Variants in LRFN2 observed in about 807,000 individuals in gnomAD.
LRFN2 encodes leucine-rich repeat and fibronectin type-III domain-containing protein 2.
LRFN2 carries 18 observed loss-of-function variants against 37.3 expected under a neutral mutation model. The observed-to-expected ratio is 0.48, with a 90% confidence interval of 0.33 to 0.72. The LOEUF is 0.72. Among genes scored for constraint, LRFN2 ranks in the 30% least tolerant of loss-of-function variants. The pLI, the probability that LRFN2 is intolerant of heterozygous loss-of-function variation, is 0.02. For synonymous variants in LRFN2, 556 were observed against 466.6 expected, an observed-to-expected ratio of 1.19 and a Z score of -2.47; for missense variants, 1,006 against 1,060.7, an observed-to-expected ratio of 0.95 and a Z score of 0.72.
chr6:40,392,852 G>A lies in LRFN2; in HGVS notation c.1461C>T (p.Tyr487=), dbSNP rs369008685. 96 of 1,613,970 alleles carry A rather than the reference G, an allele frequency of 5.9e-5. No homozygotes were observed. Among genetic ancestry groups the A allele is most frequent in the South Asian group, 2.6e-4 (24 of 91,054 alleles). ...VVNNLVSGTG[Y]DLCVLAMWDD... ...CCCACATGGCCAGCACACACAAGTCGTAGCCAGTCCCTGACACCAGGTTGT... is the reference window on the plus strand; with the variant it reads ...CCCACATGGCCAGCACACACAAGTCATAGCCAGTCCCTGACACCAGGTTGT... The change falls in exon 3 of 3, where the codon TAC becomes TAT. Residue 487 remains tyrosine (Y), a synonymous_variant. Coordinates refer to ENST00000338305, the MANE Select transcript of LRFN2 (RefSeq NM_020737.3). The surrounding 1 kb of genome is among the most constrained non-coding windows in gnomAD (Gnocchi z 4.7).
intron 1 of LRFN2, among the ~76,000 whole-genome samples, chr6:40,579,612 A>G (rs1254166512): frequency 5.6e-5 from 7 of 125,704 alleles, no homozygotes; most frequent in Admixed American, 3.0e-4. Flanking sequence ...GAACACACAC[A>G]AACACACACA....
intron 2 of LRFN2, among the ~76,000 whole-genome samples, chr6:40,413,882 C>T (rs978102289): frequency 2.6e-5 from 4 of 152,196 alleles, no homozygotes; most frequent in Non-Finnish European, 5.9e-5. Context: ...CAGTCTCCCC[C>T]TCATGGTGGT....
chr6:40,513,705 G>A (rs1450693777), intron 1 of LRFN2, among the ~76,000 whole-genome samples: 1 of 152,162 alleles, frequency 6.6e-6, no homozygotes, highest in Non-Finnish European at 1.5e-5. Flanking sequence ...TACGTGCCAG[G>A]GAGAAAAATA....
Position 40,392,664 on chromosome 6 carries a change from A to G in LRFN2, c.1649T>C (p.Ile550Thr), listed in dbSNP as rs1359251495. 1 of 1,613,694 alleles carries G rather than the reference A, an allele frequency of 6.2e-7. No individual in the cohort carries two copies. Among genetic ancestry groups the G allele is most frequent in the Admixed American group, 1.7e-5 (1 of 60,034 alleles). Reference sequence around the variant, plus strand: ...CTTGTAGCGCACCATGAGGATGACGATGAAGACCAGCAGCGTGGCCACGAT... The same window carrying G: ...CTTGTAGCGCACCATGAGGATGACGGTGAAGACCAGCAGCGTGGCCACGAT... ...GIIVATLLVFIVILMVRYKVC... is the reference protein window; with the variant it reads ...GIIVATLLVFTVILMVRYKVC... Residue 550 changes from isoleucine (I) to threonine (T), a missense_variant, in exon 3 of 3, where the codon ATC becomes ACC. Coordinates refer to ENST00000338305, the MANE Select transcript of LRFN2 (RefSeq NM_020737.3). The surrounding 1 kb of genome is among the most constrained non-coding windows in gnomAD (Gnocchi z 4.7).
intron 1 of LRFN2, among the ~76,000 whole-genome samples, chr6:40,543,841 T>C (rs1766601036): frequency 6.6e-6 from 1 of 152,222 alleles, no homozygotes; most frequent in South Asian, 2.1e-4. Flanking sequence ...TGAAATACAG[T>C]GCTCCTGTTG....
chr6:40,470,184 T>C (rs965782734), intron 1 of LRFN2, among the ~76,000 whole-genome samples: 2 of 152,034 alleles, frequency 1.3e-5, no homozygotes, highest in African/African-American at 4.8e-5. Context: ...CCCCAAGGCA[T>C]GTGGGCTGGG....
intron 1 of LRFN2, among the ~76,000 whole-genome samples, chr6:40,567,654 A>G (rs751217994): frequency 4.6e-5 from 7 of 152,216 alleles, no homozygotes; most frequent in Non-Finnish European, 8.8e-5. Flanking sequence ...AAAGAATAGC[A>G]ATTAGAACTT....
At chr6:40,476,143 T>C (rs1764704975) in intron 1 of LRFN2, among the ~76,000 whole-genome samples, 1 of 152,164 alleles carries the variant, frequency 6.6e-6, no homozygotes, top group Non-Finnish European at 1.5e-5. Context: ...ACCCTGTACC[T>C]TAGTCAGACT....
chr6:40,524,080 C>G (rs1177193344), intron 1 of LRFN2: 1 of 152,216 alleles, frequency 6.6e-6, no homozygotes, highest in African/African-American at 2.4e-5. Context: ...TTTTCCTCAT[C>G]ATCGTGAACA....
intron 1 of LRFN2, among the ~76,000 whole-genome samples, chr6:40,579,672 C>A (rs1352117017): frequency 6.6e-6 from 1 of 151,726 alleles, no homozygotes; most frequent in Non-Finnish European, 1.5e-5. Context: ...TAGAAATCAG[C>A]CAGAACTTGG....
At chr6:40,490,864 T>G (rs552719444) in intron 1 of LRFN2, among the ~76,000 whole-genome samples, 2 of 152,322 alleles carry the variant, frequency 1.3e-5, no homozygotes, top group African/African-American at 4.8e-5. Context: ...ACTTCCCGGC[T>G]TCCCTGGCTT....
chr6:40,451,585 C>T (rs1220442643), intron 1 of LRFN2, among the ~76,000 whole-genome samples: 1 of 152,228 alleles, frequency 6.6e-6, no homozygotes, highest in Non-Finnish European at 1.5e-5. Context: ...CCTCTCTAGT[C>T]TGGCCACGCG....
intron 1 of LRFN2, among the ~76,000 whole-genome samples, chr6:40,456,926 C>G (rs1341370944): frequency 6.6e-6 from 1 of 152,078 alleles, no homozygotes; most frequent in African/African-American, 2.4e-5. Context: ...CCAGAATCAC[C>G]ACACATGCTT....
At chr6:40,470,782 T>C (rs1425588360) in intron 1 of LRFN2, among the ~76,000 whole-genome samples, 1 of 152,144 alleles carries the variant, frequency 6.6e-6, no homozygotes, top group Non-Finnish European at 1.5e-5. Context: ...CTGTCCTCAC[T>C]ATTCACATCC....
At chr6:40,581,154 G>A (rs891970334) in intron 1 of LRFN2, among the ~76,000 whole-genome samples, 1 of 152,148 alleles carries the variant, frequency 6.6e-6, no homozygotes, top group African/African-American at 2.4e-5. Flanking sequence ...TCAGGAGCAC[G>A]AAGCAAAGAA....
chr6:40,460,013 A>G (rs1217201442), intron 1 of LRFN2, among the ~76,000 whole-genome samples: 1 of 152,220 alleles, frequency 6.6e-6, no homozygotes, highest in Non-Finnish European at 1.5e-5. Flanking sequence ...CGCTGCCCTC[A>G]TTCTTGACAG....
intron 1 of LRFN2, among the ~76,000 whole-genome samples, chr6:40,470,053 G>T (rs1764556608): frequency 6.6e-6 from 1 of 152,180 alleles, no homozygotes; most frequent in Admixed American, 6.5e-5. Context: ...TCTTTCTAGA[G>T]CATCACATTG....
rs141975163 is a variant in LRFN2 at position 40,550,603 on chromosome 6, C to T, written c.-19+36338G>A. Among the ~76,000 whole-genome samples the T allele has an allele frequency of 2.4e-3, 365 of 152,218 alleles. 11 individuals carry two copies. The South Asian group carries it at 0.052, about 22-fold the overall frequency. ...AGCATGCACTGCCAGAAGAAGGTACCGGGGACCACAGACCAGTGGCCACAA... is the reference window on the plus strand; with the variant it reads ...AGCATGCACTGCCAGAAGAAGGTACTGGGGACCACAGACCAGTGGCCACAA... On this transcript the variant is annotated intron_variant, in intron 1 of 2. Transcript: ENST00000338305.
At chr6:40,561,152 A>C (rs1766986285) in intron 1 of LRFN2, among the ~76,000 whole-genome samples, 1 of 152,178 alleles carries the variant, frequency 6.6e-6, no homozygotes, top group African/African-American at 2.4e-5. Context: ...CTCAGGCCCA[A>C]GGGAAAGGGC....
Sources: allele counts gnomAD v4.1 joint callset (sites outside exome capture counted in the v4.1 genomes callset), GRCh38; gene constraint gnomAD v4.1.1; non-coding constraint Gnocchi (gnomAD v3.1); transcripts MANE v1.5; gene names NCBI Gene and HGNC (gene_info 2026-07-23, HGNC 2026-07-21).